TBC1D5: variants seen among roughly 807,000 people sequenced by gnomAD.
TBC1D5 encodes the protein TBC1 domain family, member 5.
A neutral mutation model predicts 100.3 loss-of-function variants in TBC1D5; 75 were observed. The ratio of observed to expected loss-of-function variants is 0.75; its 90% confidence interval spans 0.62 to 0.91. TBC1D5 has a LOEUF of 0.91. Ranked by LOEUF, TBC1D5 falls within the 40% of genes least tolerant of loss-of-function variation. TBC1D5 has a pLI of 0.00. For missense variants in TBC1D5, 910 were observed against 942.4 expected (o/e 0.97, Z 0.45); for synonymous variants, 323 against 325.6 (o/e 0.99, Z 0.09).
At chr3:17,204,061 G>A (rs2071828005) in intron 18 of TBC1D5, among the ~76,000 whole-genome samples, 1 of 152,188 alleles carries the variant, frequency 6.6e-6, no homozygotes, top group Non-Finnish European at 1.5e-5. Flanking sequence ...CATTCTTTCT[G>A]CAATGAAAGC....
intron 3 of TBC1D5, among the ~76,000 whole-genome samples, chr3:17,454,864 ATTAAC>A (rs771114021): frequency 8.1e-4 from 123 of 152,250 alleles, no homozygotes; most frequent in Middle Eastern, 3.4e-3. Flanking sequence ...ATACTTATGA[ATTAAC>A]TTAAAGAAGT....
rs369406464 is a variant in TBC1D5 at position 17,578,357 on chromosome 3, C to T, written c.-36+45492G>A. Among the ~76,000 whole-genome samples the T allele has an allele frequency of 4.6e-5, 7 of 152,026 alleles. No homozygotes were observed. The South Asian group carries it at 1.5e-3, about 32-fold the overall frequency. On this transcript the variant is annotated intron_variant, in intron 2 of 21. Transcript: ENST00000253692. ...ATTCTCTTGGGAATCTACAAGATTG[C>T]CAAAGCAGGACTTATCCTCATAAAT...
chr3:17,616,540 T>A (rs542329182), intron 2 of TBC1D5, among the ~76,000 whole-genome samples: 1 of 152,280 alleles, frequency 6.6e-6, no homozygotes, highest in Non-Finnish European at 1.5e-5. Flanking sequence ...TTTGTAGGTC[T>A]TTAAGGACTT....
intron 11 of TBC1D5, 41 bp from the exon 12 acceptor site, chr3:17,374,581 A>T (rs2092622197): frequency 1.2e-6 from 2 of 1,608,790 alleles, no homozygotes; most frequent in Admixed American, 3.4e-5. Flanking sequence ...CTTTCATTAA[A>T]ATAATGATGG....
chr3:17,344,573 G>C (rs1026137433), intron 13 of TBC1D5, among the ~76,000 whole-genome samples: 8 of 151,992 alleles, frequency 5.3e-5, no homozygotes, highest in East Asian at 1.9e-4. Context: ...CTACTTTAAA[G>C]TTCATATGGT....
At chr3:17,217,600 T>C (rs2073804435) in intron 17 of TBC1D5, among the ~76,000 whole-genome samples, 1 of 152,140 alleles carries the variant, frequency 6.6e-6, no homozygotes, top group African/African-American at 2.4e-5. Flanking sequence ...ATTGTGATTT[T>C]GATTTGCAAT....
chr3:17,161,864 C>G (rs2125015246), intron 21 of TBC1D5, among the ~76,000 whole-genome samples: 1 of 152,264 alleles, frequency 6.6e-6, no homozygotes, highest in Non-Finnish European at 1.5e-5. Flanking sequence ...GGTATGCACA[C>G]AGGGGTCTCC....
At chr3:17,677,177 C>T (rs944733390) in intron 1 of TBC1D5, among the ~76,000 whole-genome samples, 1 of 152,168 alleles carries the variant, frequency 6.6e-6, no homozygotes, top group Non-Finnish European at 1.5e-5. Context: ...TAAAGAGCTT[C>T]TGCACAGCAA....
intron 15 of TBC1D5, among the ~76,000 whole-genome samples, chr3:17,281,959 C>T (rs1365356720): frequency 6.6e-6 from 1 of 151,824 alleles, no homozygotes; most frequent in Non-Finnish European, 1.5e-5. Context: ...TCTTCAATTT[C>T]GTTAAATCAT....
intron 14 of TBC1D5, among the ~76,000 whole-genome samples, chr3:17,294,661 A>G (rs1033210874): frequency 2.6e-5 from 4 of 152,220 alleles, no homozygotes; most frequent in Admixed American, 6.5e-5. Flanking sequence ...CACTGCATGC[A>G]ATGAGCATTT....
intron 13 of TBC1D5, among the ~76,000 whole-genome samples, chr3:17,344,524 T>G (rs1441891699): frequency 6.6e-6 from 1 of 151,756 alleles, no homozygotes; most frequent in Non-Finnish European, 1.5e-5. Context: ...GCCATCCCCA[T>G]CAAGCTACCA....
chr3:17,710,518 C>T (rs544747111), intron 1 of TBC1D5, among the ~76,000 whole-genome samples: 6 of 151,720 alleles, frequency 4.0e-5, no homozygotes, highest in East Asian at 3.9e-4. Context: ...GAGCTGAGAT[C>T]GTGCCATTGG....
chr3:17,706,637 G>A (rs569165227), intron 1 of TBC1D5, among the ~76,000 whole-genome samples: 1 of 151,898 alleles, frequency 6.6e-6, no homozygotes, highest in Admixed American at 6.6e-5. Flanking sequence ...CGGAGATAAT[G>A]CATGCCTTGT....
intron 17 of TBC1D5, among the ~76,000 whole-genome samples, chr3:17,235,634 C>T (rs2075795237): frequency 6.6e-6 from 1 of 152,110 alleles, no homozygotes; most frequent in Non-Finnish European, 1.5e-5. Context: ...CATATTCTAC[C>T]AAAACAACCA....
intron 3 of TBC1D5, among the ~76,000 whole-genome samples, chr3:17,501,024 T>C (rs111714324): frequency 0.01 from 1,564 of 149,836 alleles, 175 homozygotes; most frequent in African/African-American, 0.034. Flanking sequence ...TTTAAAGAGA[T>C]ATTTTTAAAA....
At chr3:17,654,581 T>C (rs1203736777) in intron 1 of TBC1D5, among the ~76,000 whole-genome samples, 1 of 152,222 alleles carries the variant, frequency 6.6e-6, no homozygotes, top group Non-Finnish European at 1.5e-5. Flanking sequence ...ATTGAGGATT[T>C]TTGCATCAAT....
At chr3:17,178,066 C>CT (rs34673889) in intron 19 of TBC1D5, among the ~76,000 whole-genome samples, 7,505 of 130,016 alleles carry the variant, frequency 0.058, 578 homozygotes, top group East Asian at 0.21. Context: ...AATAGTGCTC[C>CT]TTTTTTTTTT....
intron 3 of TBC1D5, among the ~76,000 whole-genome samples, chr3:17,461,239 T>C (rs963493958): frequency 6.6e-6 from 1 of 152,224 alleles, no homozygotes; most frequent in Non-Finnish European, 1.5e-5. Context: ...TTCAGTTAAT[T>C]GTTCATGTTT....
intron 2 of TBC1D5, among the ~76,000 whole-genome samples, chr3:17,537,642 AT>A (rs1560111681): frequency 3.3e-5 from 5 of 152,226 alleles, no homozygotes; most frequent in Admixed American, 6.5e-5. Context: ...ATAATCACAT[AT>A]AAGTGGAATA....
Sources: allele counts gnomAD v4.1 joint callset (sites outside exome capture counted in the v4.1 genomes callset), GRCh38; gene constraint gnomAD v4.1.1; transcripts MANE v1.5; gene names NCBI Gene and HGNC (gene_info 2026-07-23, HGNC 2026-07-21).